The following SUMF1 variants were observed in gnomAD, a reference collection of about 807,000 sequenced individuals.
SUMF1 encodes formylglycine-generating enzyme.
A neutral mutation model predicts 47.6 loss-of-function variants in SUMF1; 48 were observed. The ratio of observed to expected loss-of-function variants is 1.01; its 90% CI spans 0.80 to 1.28. The LOEUF (loss-of-function observed/expected upper bound fraction) is 1.28. Ranked by LOEUF, SUMF1 falls within the 50% of genes most tolerant of loss-of-function variation. The pLI, the probability that SUMF1 is intolerant of heterozygous loss-of-function variation, is 0.00. For missense variants in SUMF1, 571 were observed against 485.4 expected (o/e 1.18, Z -1.66); for synonymous variants, 230 against 192.1 (o/e 1.20, Z -1.63).
chr3:4,105,257 G>T (rs554575804), intron 8 of SUMF1, among the ~76,000 whole-genome samples: 2 of 152,196 alleles, frequency 1.3e-5, no homozygotes, highest in African/African-American at 4.8e-5. Flanking sequence ...GGAGATGTCT[G>T]TCAAATGCAC....
chr3:4,431,241 A>C (rs1702222592), intron 3 of SUMF1, among the ~76,000 whole-genome samples: 1 of 152,236 alleles, frequency 6.6e-6, no homozygotes, highest in African/African-American at 2.4e-5. Context: ...AAAGCCACAG[A>C]CCGGATTGAG....
Position 4,080,179 on chromosome 3 carries a change from G to C in SUMF1, c.1015-11434C>G, listed in dbSNP as rs73806860. Among the ~76,000 whole-genome samples the C allele has an allele frequency of 4.6e-5, 7 of 152,054 alleles. No individual in the cohort carries two copies. The East Asian group carries it at 9.6e-4, about 21-fold the overall frequency. On this transcript the variant is annotated intron_variant and NMD_transcript_variant, in intron 8 of 12. Transcript: ENST00000448413. The stretch of plus-strand genomic sequence containing the variant: ...GTTTCAGTGTTAACTAATCACTCCA[G>C]TATTCCTTGCACAAATGCACACGTA...
rs979772166 is a variant in SUMF1 at position 4,344,749 on chromosome 3, A to G, written c.1014+31581T>C. Reference sequence around the variant, plus strand: ...AAAAATTACGATGAGCTAAAGGAACATGTTCTAACCCAATGCAAAGAAGCT... The same window carrying G: ...AAAAATTACGATGAGCTAAAGGAACGTGTTCTAACCCAATGCAAAGAAGCT... On this transcript the variant is annotated intron_variant and NMD_transcript_variant, in intron 8 of 12. Coordinates refer to the SUMF1 transcript ENST00000448413. Among the ~76,000 whole-genome samples, 4 of 152,132 alleles carry G rather than the reference A, an allele frequency of 2.6e-5. No individual in the cohort carries two copies. The East Asian group carries it at 7.7e-4, about 29-fold the overall frequency.
intron 8 of SUMF1, among the ~76,000 whole-genome samples, chr3:4,081,947 A>C (rs2125045756): frequency 1.3e-5 from 2 of 152,256 alleles, no homozygotes; most frequent in Middle Eastern, 6.8e-3. Context: ...ACATACTGAA[A>C]GCCTTAACAC....
intron 8 of SUMF1, among the ~76,000 whole-genome samples, chr3:4,369,005 G>A (rs566245819): frequency 5.9e-5 from 9 of 151,630 alleles, no homozygotes; most frequent in Non-Finnish European, 1.2e-4. Context: ...GTGCAGAAGC[G>A]ATAATTTGGA....
intron 8 of SUMF1, among the ~76,000 whole-genome samples, chr3:4,195,493 C>G (rs1324219274): frequency 6.6e-6 from 1 of 152,098 alleles, no homozygotes; most frequent in Non-Finnish European, 1.5e-5. Flanking sequence ...CCTAAAAAAT[C>G]CAGACTTGCC....
At chr3:4,152,773 C>T (rs1004453880) in intron 8 of SUMF1, among the ~76,000 whole-genome samples, 3 of 151,598 alleles carry the variant, frequency 2.0e-5, no homozygotes, top group Non-Finnish European at 4.4e-5. Flanking sequence ...TTCAGCCCAC[C>T]TTCTGCACCC....
At chr3:4,294,801 G>A (rs539560960) in intron 8 of SUMF1, among the ~76,000 whole-genome samples, 21 of 152,078 alleles carry the variant, frequency 1.4e-4, no homozygotes, top group Admixed American at 5.9e-4. Flanking sequence ...AATGTTTATC[G>A]CAAATGGGAG....
At chr3:4,087,656 C>T (rs1418868103) in intron 8 of SUMF1, among the ~76,000 whole-genome samples, 1 of 151,994 alleles carries the variant, frequency 6.6e-6, no homozygotes, top group Non-Finnish European at 1.5e-5. Flanking sequence ...GCCATTACTT[C>T]CCCACCACAG....
chr3:4,355,572 T>C (rs958160252), intron 8 of SUMF1, among the ~76,000 whole-genome samples: 1 of 152,210 alleles, frequency 6.6e-6, no homozygotes, highest in Non-Finnish European at 1.5e-5. Flanking sequence ...AAGCCTTATC[T>C]CTGCTCTTCT....
At position 4,069,873 on chromosome 3, in the gene SUMF1, C is replaced by T. The variant is rs140801159; in HGVS notation, c.1015-1128G>A. On this transcript the variant is annotated intron_variant and NMD_transcript_variant, in intron 8 of 12. Transcript: ENST00000448413. The stretch of plus-strand genomic sequence containing the variant: ...AAAAGTCTCTTGTGGGAAAAATCCA[C>T]ATCCTATAGAGAATCCCCTTTCCCC... 3.1e-3 allele frequency among the ~76,000 whole-genome samples: 473 copies of T among 152,322 alleles called. 4 individuals are homozygous for T. Among genetic ancestry groups the T allele is most frequent in the African/African-American group, 0.011 (448 of 41,564 alleles).
intron 1 of SUMF1, among the ~76,000 whole-genome samples, chr3:4,457,761 A>G (rs1003777979): frequency 6.6e-6 from 1 of 152,226 alleles, no homozygotes; most frequent in Admixed American, 6.5e-5. Context: ...TAAAGACTTA[A>G]ATGTACAGTC....
At chr3:4,430,565 G>A (rs764835734) in intron 3 of SUMF1, among the ~76,000 whole-genome samples, 3 of 152,114 alleles carry the variant, frequency 2.0e-5, no homozygotes, top group Non-Finnish European at 2.9e-5. Context: ...ACATGACTAC[G>A]AATCTATAGA....
chr3:4,179,156 G>A (rs1376610304), intron 8 of SUMF1, among the ~76,000 whole-genome samples: 1 of 152,112 alleles, frequency 6.6e-6, no homozygotes, highest in East Asian at 1.9e-4. Context: ...AGCTACCGCT[G>A]ACTTTCTTCA....
At chr3:4,085,479 T>C (rs615670) in intron 8 of SUMF1, among the ~76,000 whole-genome samples, 35,040 of 151,998 alleles carry the variant, frequency 0.23, 4,839 homozygotes, top group Middle Eastern at 0.31. Context: ...AATGAACTAT[T>C]AAGTACATCT....
chr3:4,237,713 C>A (rs1395111331), intron 8 of SUMF1, among the ~76,000 whole-genome samples: 1 of 151,958 alleles, frequency 6.6e-6, no homozygotes, highest in East Asian at 1.9e-4. Context: ...CATTGCCAAG[C>A]CCAAGATCAT....
At chr3:4,100,599 C>A (rs6805233) in intron 8 of SUMF1, among the ~76,000 whole-genome samples, 152 of 151,976 alleles carry the variant, frequency 1.0e-3, no homozygotes, top group African/African-American at 3.5e-3. Context: ...GGGAAACCTA[C>A]ATGACAGTGG....
chr3:4,174,683 T>C (rs974154927), intron 8 of SUMF1, among the ~76,000 whole-genome samples: 5 of 152,052 alleles, frequency 3.3e-5, no homozygotes, highest in East Asian at 1.9e-4. Context: ...TTGGGACTGG[T>C]TGGACAGTGG....
rs572159606 is a variant in SUMF1, at chr3:4,035,641, TGATA to T, written c.1191+32924_1191+32927del. On this transcript the variant is annotated intron_variant and NMD_transcript_variant, in intron 9 of 12. Transcript: ENST00000448413. Reference sequence around the variant, plus strand: ...TTCTATAGGCTTCCATTAGGCTGTATGATAGATAGACAGAGACCAGTTTTTGAAG... The same window carrying T: ...TTCTATAGGCTTCCATTAGGCTGTATGATAGACAGAGACCAGTTTTTGAAG... Among the ~76,000 whole-genome samples the T allele has an allele frequency of 4.4e-3, 674 of 152,294 alleles. 3 individuals are homozygous for T. The highest frequency in any genetic ancestry group is 7.5e-3 in the Non-Finnish European group (510 of 68,004).
Sources: gnomAD v4.1 joint callset for allele counts (sites outside exome capture counted in the v4.1 genomes callset) on GRCh38, gnomAD v4.1.1 for gene constraint, MANE v1.5 for transcripts, NCBI Gene and HGNC (gene_info 2026-07-23, HGNC 2026-07-21) for gene names.